Variants in EIF3L observed in about 807,000 individuals in gnomAD.
EIF3L encodes eukaryotic translation initiation factor 3 subunit L, also known as eIEF associated protein HSPC021.
In EIF3L, 32 loss-of-function variants were observed where a neutral mutation model predicts 74.6. The ratio of observed to expected loss-of-function variants is 0.43; its 90% confidence interval spans 0.32 to 0.58. EIF3L has a LOEUF of 0.58. EIF3L is among the 20% of genes least tolerant of loss of function. The pLI is 0.06. For synonymous variants in EIF3L, 256 were observed against 254.4 expected, an observed-to-expected ratio of 1.01 and a Z score of -0.06; for missense variants, 474 against 707.8, an observed-to-expected ratio of 0.67 and a Z score of 3.75.
At chr22:37,855,522 C>A in intron 3 of EIF3L, 43 bp from the exon 4 acceptor site, 1 of 1,562,778 alleles carries the variant, frequency 6.4e-7, no homozygotes, top group South Asian at 1.1e-5. Context: ...TTGGCATTCT[C>A]CAGTCCTTTT....
intron 2 of EIF3L, 33 bp downstream of exon 2, chr22:37,850,096 G>T (rs371726200): frequency 6.2e-6 from 10 of 1,610,818 alleles, no homozygotes; most frequent in Admixed American, 1.7e-5. Flanking sequence ...CTGAGTACTC[G>T]TAGGGATCAG....
At chr22:37,851,809 G>A (rs1330115888) in intron 3 of EIF3L, among the ~76,000 whole-genome samples, 1 of 152,166 alleles carries the variant, frequency 6.6e-6, no homozygotes, top group African/African-American at 2.4e-5. Context: ...GGGACTACAG[G>A]CATGTGCCAC....
At position 37,871,826 on chromosome 22, in the gene EIF3L, A is replaced by G. The variant is rs565856388; in HGVS notation, c.751+1479A>G. Among the ~76,000 whole-genome samples, 591 of 148,202 alleles carry G rather than the reference A, an allele frequency of 4.0e-3. 2 individuals carry two copies. The highest frequency in any genetic ancestry group is 0.014 in the African/African-American group (561 of 40,006). Reference sequence around the variant, plus strand: ...AGAGGTTGCAGTGAGCCGAGATCGCACCACTGCACTACAGTCTTAGTGACA... The same window carrying G: ...AGAGGTTGCAGTGAGCCGAGATCGCGCCACTGCACTACAGTCTTAGTGACA... On this transcript the variant is annotated intron_variant, in intron 8 of 12. Coordinates refer to ENST00000652021, the MANE Select transcript of EIF3L (RefSeq NM_016091.4).
intron 8 of EIF3L, chr22:37,871,344 C>T (rs1441726385): frequency 6.6e-6 from 1 of 152,070 alleles, no homozygotes; most frequent in Non-Finnish European, 1.5e-5. Flanking sequence ...ATATTCCTGA[C>T]TTGAAAATTT....
chr22:37,851,043 G>T (rs1925184349), intron 2 of EIF3L, among the ~76,000 whole-genome samples: 1 of 152,186 alleles, frequency 6.6e-6, no homozygotes, highest in Admixed American at 6.5e-5. Context: ...TGACTTCCTA[G>T]ACTTGGGAGA....
Position 37,851,328 on chromosome 22 carries a change from C to T in EIF3L, c.131C>T (p.Thr44Ile), listed in dbSNP as rs139321489. 29 of 1,614,014 alleles carry T rather than the reference C, an allele frequency of 1.8e-5. No individual in the cohort carries two copies. The African/African-American group carries it at 2.8e-4, about 16-fold the overall frequency. Residue 44 changes from threonine to isoleucine, a missense_variant, in exon 3 of 13, where the codon ACC (threonine) becomes ATC (isoleucine). Coordinates refer to ENST00000652021, the MANE Select transcript of EIF3L (RefSeq NM_016091.4). ...TATGAACGTCAGTATGAACAGCAAA[C>T]CTATCAGGTGATCCCTGAGGTGATC... ...LAYERQYEQQ[T>I]YQVIPEVIKN... is the part of the protein sequence containing the mutation.
chr22:37,855,387 G>A (rs1296596213), intron 3 of EIF3L, among the ~76,000 whole-genome samples, 178 bp from the exon 4 acceptor site: 2 of 152,168 alleles, frequency 1.3e-5, no homozygotes, highest in African/African-American at 2.4e-5. Context: ...TTCTTGTGTT[G>A]AGAAAGATTG....
chr22:37,863,117 TTTTTA>T, intron 6 of EIF3L, 79 bp downstream of exon 6: 1 of 1,370,512 alleles, frequency 7.3e-7, no homozygotes, highest in Non-Finnish European at 1.0e-6. Flanking sequence ...TTTTTTTTTT[TTTTTA>T]AATTAGCAGG....
chr22:37,859,370 G>GTTTTTTTTTTTTTT (rs1437551077), intron 5 of EIF3L, among the ~76,000 whole-genome samples: 6 of 72,776 alleles, frequency 8.2e-5, no homozygotes, highest in South Asian at 4.4e-4. Flanking sequence ...AGTACGTGAA[G>GTTTTTTTTTTTTTT]TTTCTTTTTT....
chr22:37,860,518 A>T (rs1042024262), intron 5 of EIF3L, among the ~76,000 whole-genome samples: 1 of 152,128 alleles, frequency 6.6e-6, no homozygotes, highest in African/African-American at 2.4e-5. Context: ...GATTACAGGC[A>T]TGCACCACCA....
At chr22:37,882,047 C>T (rs1569124183) in intron 11 of EIF3L, 1 of 152,224 alleles carries the variant, frequency 6.6e-6, no homozygotes. Flanking sequence ...TGGCTCACGC[C>T]TGTAATCCCA....
Position 37,851,277 on chromosome 22 carries a change from C to A in EIF3L, c.83-3C>A, listed in dbSNP as rs933764317. On this transcript the variant is annotated splice_region_variant and splice_polypyrimidine_tract_variant and intron_variant, in intron 2 of 12. Transcript: ENST00000652021. Reference sequence around the variant, plus strand: ...CTCTGTATTTGTTGTATCCAACCTCCAGGAGATCCAAAGCAGGACCTTGCT... The same window carrying A: ...CTCTGTATTTGTTGTATCCAACCTCAAGGAGATCCAAAGCAGGACCTTGCT... 1 of 1,613,398 alleles carries A rather than the reference C, an allele frequency of 6.2e-7. No individual in the cohort carries two copies. Among genetic ancestry groups the A allele is most frequent in the African/African-American group, 1.3e-5 (1 of 74,878 alleles).
chr22:37,884,725 G>C (rs1927228741), intron 11 of EIF3L: 1 of 152,034 alleles, frequency 6.6e-6, no homozygotes, highest in Non-Finnish European at 1.5e-5. Context: ...CCCTGCCTTA[G>C]GACGCTGAGG....
intron 11 of EIF3L, chr22:37,882,138 C>G (rs1927083505): frequency 6.6e-6 from 1 of 151,902 alleles, no homozygotes; most frequent in Non-Finnish European, 1.5e-5. Flanking sequence ...GAAACCCTGT[C>G]TCTACTAAAA....
In EIF3L at chr22:37,889,022, T is replaced by C. The variant is rs1028530023; in HGVS notation, c.*558T>C. The C allele has an allele frequency of 1.3e-5, 2 of 152,600 alleles. No individual in the cohort carries two copies. Among genetic ancestry groups the C allele is most frequent in the Non-Finnish European group, 2.9e-5 (2 of 68,404 alleles). 9.5% of individuals were successfully genotyped at this position (152,600 alleles called of 1,614,324 possible). ...CCAAAATGTGCTAGGATTACAGGCA[T>C]GAGCCACCACGCCCCGCCTAAATTC... On this transcript the variant is annotated 3_prime_UTR_variant, in exon 13 of 13. Coordinates refer to ENST00000652021, the MANE Select transcript of EIF3L (RefSeq NM_016091.4).
rs997108410 is a variant in EIF3L at position 37,857,538 on chromosome 22, CT to C, written c.374-1131del. 8.5e-3 allele frequency among the ~76,000 whole-genome samples: 1,253 copies of C among 148,228 alleles called. 13 individuals are homozygous for C. Among genetic ancestry groups the C allele is most frequent in the African/African-American group, 0.021 (833 of 40,552 alleles). On this transcript the variant is annotated intron_variant, in intron 4 of 12. Transcript: ENST00000652021. ...TAACGTTTTTTTGAACACTTAACTC[CT>C]TTTTTTTTTCCCCCTAAGATGGAGT...
At chr22:37,866,932 G>A (rs1422425301) in intron 7 of EIF3L, among the ~76,000 whole-genome samples, 3 of 152,150 alleles carry the variant, frequency 2.0e-5, no homozygotes, top group African/African-American at 7.2e-5. Context: ...ATAAAAGAAC[G>A]TTTCAATCAC....
At chr22:37,870,430 A>G (rs1448795934) in intron 8 of EIF3L, 83 bp downstream of exon 8, 2 of 1,340,706 alleles carry the variant, frequency 1.5e-6, no homozygotes, top group Non-Finnish European at 2.0e-6. Flanking sequence ...CACTGCAAGG[A>G]GAGCAGATGA....
At chr22:37,854,911 G>A (rs1925419231) in intron 3 of EIF3L, among the ~76,000 whole-genome samples, 1 of 152,152 alleles carries the variant, frequency 6.6e-6, no homozygotes, top group South Asian at 2.1e-4. Context: ...AAAGTGTTGA[G>A]ATTACAGGCG....
Sources: allele counts gnomAD v4.1 joint callset (sites outside exome capture counted in the v4.1 genomes callset), GRCh38; gene constraint gnomAD v4.1.1; transcripts MANE v1.5; gene names NCBI Gene and HGNC (gene_info 2026-07-23, HGNC 2026-07-21).